Variants in SLCO5A1 observed in about 807,000 individuals in gnomAD.
The protein encoded by SLCO5A1 is solute carrier organic anion transporter family member 5A1.
A neutral mutation model predicts 65.1 loss-of-function variants in SLCO5A1; 39 were observed. That is an observed-to-expected ratio of 0.60 (90% CI 0.46 to 0.78). The LOEUF (loss-of-function observed/expected upper bound fraction) is 0.78. SLCO5A1 is among the 30% of genes least tolerant of loss of function. The pLI, the probability that SLCO5A1 is intolerant of heterozygous loss-of-function variation, is 0.00. For synonymous variants in SLCO5A1, 438 were observed against 415.7 expected (o/e 1.05, Z -0.65); for missense variants, 1,029 against 1,069.4 (o/e 0.96, Z 0.53).
chr8:69,785,961 T>C (rs1031676508), intron 2 of SLCO5A1, among the ~76,000 whole-genome samples: 4 of 152,224 alleles, frequency 2.6e-5, no homozygotes, highest in Non-Finnish European at 5.9e-5. Flanking sequence ...TATAGAGATG[T>C]TTGCATAAAT....
intron 5 of SLCO5A1, among the ~76,000 whole-genome samples, chr8:69,711,757 T>C (rs555730316): frequency 2.2e-4 from 33 of 152,316 alleles, no homozygotes; most frequent in African/African-American, 7.7e-4. Context: ...TGGATTATAA[T>C]AGTATATTCT....
intron 5 of SLCO5A1, among the ~76,000 whole-genome samples, chr8:69,727,588 G>A (rs960401862): frequency 1.3e-5 from 2 of 152,208 alleles, no homozygotes; most frequent in Non-Finnish European, 1.5e-5. Context: ...AGACTGCAAA[G>A]CATGCATGGA....
chr8:69,779,640 T>C (rs1202545623), intron 2 of SLCO5A1, among the ~76,000 whole-genome samples: 1 of 152,178 alleles, frequency 6.6e-6, no homozygotes, highest in Non-Finnish European at 1.5e-5. Flanking sequence ...ATTTTCAATT[T>C]ACAGATGAGA....
chr8:69,762,811 G>T (rs1415373283), intron 2 of SLCO5A1, among the ~76,000 whole-genome samples: 2 of 152,112 alleles, frequency 1.3e-5, no homozygotes, highest in African/African-American at 2.4e-5. Flanking sequence ...AATGCATTTG[G>T]TTTACTGTTA....
intron 5 of SLCO5A1, among the ~76,000 whole-genome samples, chr8:69,710,308 C>A (rs1024264999): frequency 1.3e-5 from 2 of 151,472 alleles, no homozygotes; most frequent in South Asian, 4.2e-4. Flanking sequence ...AGTGAGCCAC[C>A]GCGCCCGACC....
chr8:69,816,103 G>A (rs1430774479), intron 2 of SLCO5A1, among the ~76,000 whole-genome samples: 1 of 152,122 alleles, frequency 6.6e-6, no homozygotes, highest in African/African-American at 2.4e-5. Flanking sequence ...AGGAACTCAA[G>A]ATATTGAGTA....
chr8:69,784,860 A>AAAGAAAGG (rs1445436513), intron 2 of SLCO5A1, among the ~76,000 whole-genome samples: 30 of 141,194 alleles, frequency 2.1e-4, no homozygotes, highest in African/African-American at 6.4e-4. Flanking sequence ...AGAAAGAAAG[A>AAAGAAAGG]AAGGGAAGGA....
chr8:69,771,590 C>G (rs1314208959), intron 2 of SLCO5A1, among the ~76,000 whole-genome samples: 2 of 152,134 alleles, frequency 1.3e-5, no homozygotes, highest in Non-Finnish European at 2.9e-5. Flanking sequence ...TTATCTTACT[C>G]TTCTCTTATG....
At chr8:69,761,178 C>G (rs902409690) in intron 3 of SLCO5A1, among the ~76,000 whole-genome samples, 1 of 152,134 alleles carries the variant, frequency 6.6e-6, no homozygotes, top group Non-Finnish European at 1.5e-5. Context: ...GCCAGTGTCC[C>G]CAAACCCTCT....
At chr8:69,757,897 G>A (rs182515778) in intron 3 of SLCO5A1, among the ~76,000 whole-genome samples, 2 of 152,206 alleles carry the variant, frequency 1.3e-5, no homozygotes, top group Non-Finnish European at 2.9e-5. Context: ...TCCAGAAGAC[G>A]GCAGGCAGTG....
chr8:69,720,549 T>C (rs1815773273), intron 5 of SLCO5A1, among the ~76,000 whole-genome samples: 1 of 152,248 alleles, frequency 6.6e-6, no homozygotes, highest in Non-Finnish European at 1.5e-5. Flanking sequence ...AGAGTGGCCA[T>C]ATAAAATCAG....
chr8:69,831,884 C>G lies in SLCO5A1; in HGVS notation c.790G>C (p.Val264Leu), dbSNP rs777050472. The G allele has an allele frequency of 3.1e-6, 5 of 1,611,756 alleles. No individual in the cohort carries two copies. The Admixed American group carries it at 8.4e-5, about 27-fold the overall frequency. The change falls in exon 2 of 10, where the codon GTG becomes CTG. Residue 264 changes from valine to leucine, a missense_variant. Physicochemically the swap from Val to Leu is conservative, Grantham distance 32 (BLOSUM62 1). Transcript: ENST00000260126. ...ATCTGCGCGCAAATGAATAAAGCCA[C>G]GTAGACCCAGTGATTATTTCCTCCC... is the stretch of plus-strand genomic sequence containing the variant. The part of the protein sequence containing the change: ...DSGGNNHWVY[V>L]ALFICAQILI...
intron 5 of SLCO5A1, among the ~76,000 whole-genome samples, chr8:69,728,530 C>T (rs773119246): frequency 2.2e-4 from 34 of 152,238 alleles, no homozygotes; most frequent in Middle Eastern, 3.4e-3. Flanking sequence ...CTTCAGATAA[C>T]TTCAGAACAG....
At chr8:69,692,794 T>G (rs559033920) in intron 6 of SLCO5A1, among the ~76,000 whole-genome samples, 37 of 152,346 alleles carry the variant, frequency 2.4e-4, no homozygotes, top group African/African-American at 8.7e-4. Context: ...TGTCATCTCC[T>G]AAGATAACAA....
chr8:69,822,145 A>G (rs1003599547), intron 2 of SLCO5A1, among the ~76,000 whole-genome samples: 1 of 152,046 alleles, frequency 6.6e-6, no homozygotes, highest in Admixed American at 6.5e-5. Flanking sequence ...ATAAAATAGA[A>G]AATAAAAAAT....
intron 2 of SLCO5A1, among the ~76,000 whole-genome samples, chr8:69,784,433 G>A (rs114259643): frequency 0.042 from 6,456 of 152,194 alleles, 293 homozygotes; most frequent in African/African-American, 0.11. Context: ...CTCATACATC[G>A]CTGGTGGGAA....
chr8:69,667,690 T>C lies in SLCO5A1; in HGVS notation c.*5179A>G, dbSNP rs555406710. The stretch of plus-strand genomic sequence containing the variant: ...AAAGATAACACCTTCAAAACCCCAG[T>C]GTTAAAAATACCTTACATGGGTGTA... On this transcript the variant is annotated 3_prime_UTR_variant, in exon 10 of 10. Coordinates refer to ENST00000260126, the MANE Select transcript of SLCO5A1 (RefSeq NM_030958.3). 2 of 152,338 alleles carry C rather than the reference T, an allele frequency of 1.3e-5. No individual in the cohort carries two copies. Among genetic ancestry groups the C allele is most frequent in the Admixed American group, 1.3e-4 (2 of 15,302 alleles). The allele number at this position is 152,338 out of a possible 1,614,324, so 9.4% of individuals were successfully genotyped here. A position where few individuals can be genotyped will look rare whatever the true frequency, so the allele number is the denominator to read the frequency against.
chr8:69,696,547 C>T (rs1186546198), intron 6 of SLCO5A1, among the ~76,000 whole-genome samples: 1 of 152,158 alleles, frequency 6.6e-6, no homozygotes, highest in Non-Finnish European at 1.5e-5. Context: ...CCCAGAAATT[C>T]ATCAGGAAGT....
intron 6 of SLCO5A1, chr8:69,700,278 G>A (rs1586699187): frequency 6.6e-6 from 1 of 152,332 alleles, no homozygotes; most frequent in East Asian, 1.9e-4. Flanking sequence ...TGTCAGGGTT[G>A]ATTCAGCTGA....
Sources: gnomAD v4.1 joint callset for allele counts (sites outside exome capture counted in the v4.1 genomes callset) on GRCh38, gnomAD v4.1.1 for gene constraint, MANE v1.5 for transcripts, NCBI Gene and HGNC (gene_info 2026-07-23, HGNC 2026-07-21) for gene names.